Variants in BMP1 observed in about 807,000 individuals in gnomAD.
BMP1 encodes bone morphogenetic protein 1, also known as mammalian tolloid protein.
Under a neutral mutation model 116.8 loss-of-function variants are expected in BMP1, and 63 were observed. That is an observed-to-expected ratio of 0.54 (90% confidence interval 0.44 to 0.67). The LOEUF is 0.67. BMP1 is among the 30% of genes least tolerant of loss of function. The probability of loss-of-function intolerance (pLI) is 0.00; values close to 1 mark genes in which losing one functional copy is unlikely to be tolerated. For missense variants in BMP1, 1,183 were observed against 1,358.9 expected (o/e 0.87, Z 2.04); for synonymous variants, 536 against 533.4 (o/e 1.00, Z -0.07).
At chr8:22,195,318 C>T (rs1230310639) in intron 12 of BMP1, 144 bp from the exon 13 acceptor site, 1 of 999,086 alleles carries the variant, frequency 1.0e-6, no homozygotes, top group Non-Finnish European at 1.4e-6. Flanking sequence ...CAGCCCAGTC[C>T]ATGTGCTCTG....
intron 2 of BMP1, among the ~76,000 whole-genome samples, chr8:22,175,249 G>C (rs759008079): frequency 1.2e-4 from 19 of 152,164 alleles, no homozygotes; most frequent in African/African-American, 2.4e-5. Context: ...ACATGCCTTA[G>C]AGCTCCTATG....
intron 8 of BMP1, among the ~76,000 whole-genome samples, chr8:22,189,721 C>G (rs191001727): frequency 3.9e-5 from 6 of 152,122 alleles, no homozygotes; most frequent in Non-Finnish European, 7.4e-5. Context: ...CTTGCCTCAG[C>G]CTCTCAAAAT....
chr8:22,190,615 G>A (rs1262656744), intron 8 of BMP1, among the ~76,000 whole-genome samples: 2 of 152,184 alleles, frequency 1.3e-5, no homozygotes, highest in South Asian at 2.1e-4. Flanking sequence ...AGAACTGAGC[G>A]GCCAAGAAGT....
chr8:22,209,798 C>G (rs1829429279), intron 19 of BMP1, 103 bp downstream of exon 19: 1 of 1,355,766 alleles, frequency 7.4e-7, no homozygotes, highest in Admixed American at 2.0e-5. Context: ...CACACAGGCC[C>G]CGGAAGTTGA....
At chr8:22,203,704 C>T (rs1481576585) in intron 16 of BMP1, among the ~76,000 whole-genome samples, 2 of 152,184 alleles carry the variant, frequency 1.3e-5, no homozygotes, top group Non-Finnish European at 2.9e-5. Context: ...ATGAGCTGCT[C>T]ACAAGCAGAA....
At chr8:22,210,468 T>TCTCTCACA (rs10664439) in intron 19 of BMP1, among the ~76,000 whole-genome samples, 4 of 135,568 alleles carry the variant, frequency 3.0e-5, no homozygotes, top group African/African-American at 1.2e-4. Flanking sequence ...TCTCTCTCTC[T>TCTCTCACA]CACACACATA....
chr8:22,195,195 T>C (rs530196383), intron 12 of BMP1, among the ~76,000 whole-genome samples: 1 of 152,298 alleles, frequency 6.6e-6, no homozygotes, highest in South Asian at 2.1e-4. Context: ...GAACCTCAGT[T>C]TCTCATCTGT....
At position 22,206,867 on chromosome 8, in the gene BMP1, C is replaced by T. The variant is rs1829368779; in HGVS notation, c.2247C>T (p.His749=). ...GCTTCCCTGCAGCCGGCTGTGACCA[C>T]AAGGTGACATCCACCAGTGGTACCA... ...KHDCKEAGCD[H]KVTSTSGTIT... Residue 749 remains histidine, a synonymous_variant, in exon 17 of 20, where the codon CAC becomes CAT. Coordinates refer to ENST00000306385, the MANE Select transcript of BMP1 (RefSeq NM_006129.5). The T allele has an allele frequency of 6.2e-7, 1 of 1,614,218 alleles. No individual in the cohort carries two copies. The highest frequency in any genetic ancestry group is 8.5e-7 in the Non-Finnish European group (1 of 1,180,026).
At chr8:22,196,622 A>C (rs1024209378) in intron 13 of BMP1, 58 bp from the exon 14 acceptor site, 48 of 1,608,988 alleles carry the variant, frequency 3.0e-5, no homozygotes, top group Non-Finnish European at 4.0e-5. Flanking sequence ...CCCACATCTC[A>C]GCCCTTCCCC....
chr8:22,196,394 C>T (rs1454927365), intron 13 of BMP1: 2 of 593,160 alleles, frequency 3.4e-6, no homozygotes. Context: ...CTTATTCCCG[C>T]TCACTCCCTC....
chr8:22,175,897 G>A (rs77214004), intron 2 of BMP1, among the ~76,000 whole-genome samples: 442 of 152,292 alleles, frequency 2.9e-3, no homozygotes, highest in African/African-American at 9.7e-3. Flanking sequence ...AGCAGAAAGC[G>A]GAGCGTTGCC....
Position 22,195,448 on chromosome 8 carries a change from C to A in BMP1, c.1640-14C>A. ...ATGCCTGGAGTCTGTGACACCCTTT[C>A]CTTCCCACCACAGAGGTGGACGAGT... On this transcript the variant is annotated splice_polypyrimidine_tract_variant and intron_variant, in intron 12 of 19. Coordinates refer to ENST00000306385, the MANE Select transcript of BMP1 (RefSeq NM_006129.5). 1 of 1,593,484 alleles carries A rather than the reference C, an allele frequency of 6.3e-7. No homozygotes were observed.
chr8:22,169,934 T>C (rs1828228357), intron 1 of BMP1: 1 of 152,232 alleles, frequency 6.6e-6, no homozygotes, highest in African/African-American at 2.4e-5. Flanking sequence ...ACTACTACCC[T>C]GACCGTGACC....
At chr8:22,197,483 C>T in intron 15 of BMP1, 63 bp downstream of exon 15, 1 of 1,540,042 alleles carries the variant, frequency 6.5e-7, no homozygotes, top group Non-Finnish European at 8.9e-7. Context: ...TCCCTTTCTC[C>T]CTGCCCCTGC....
At chr8:22,206,789 C>T in intron 16 of BMP1, 65 bp from the exon 17 acceptor site, 1 of 1,602,196 alleles carries the variant, frequency 6.2e-7, no homozygotes, top group East Asian at 2.2e-5. Flanking sequence ...GAAGGGCCTT[C>T]CCCACAGGAG....
At chr8:22,184,367 G>A (rs931823821) in intron 8 of BMP1, among the ~76,000 whole-genome samples, 2 of 152,366 alleles carry the variant, frequency 1.3e-5, no homozygotes, top group South Asian at 4.1e-4. Flanking sequence ...CTGCCTTGGG[G>A]CTGCTCCCGC....
In BMP1 at chr8:22,194,959, G is replaced by T. The variant is rs370165941; in HGVS notation, c.1639+40G>T. On this transcript the variant is annotated intron_variant, in intron 12 of 19. Coordinates refer to ENST00000306385, the MANE Select transcript of BMP1 (RefSeq NM_006129.5). This position sits in a 1 kb window ranked among gnomAD's most constrained non-coding sequence, Gnocchi z 4.5. ...ACTCTCCCCTGCCCCAAGGTGCCTCGTGACCTTCATCCCTTCTTCACTCAC... is the reference window on the plus strand; with the variant it reads ...ACTCTCCCCTGCCCCAAGGTGCCTCTTGACCTTCATCCCTTCTTCACTCAC... 10 of 1,551,916 alleles carry T rather than the reference G, an allele frequency of 6.4e-6. No homozygotes were observed. The highest frequency in any genetic ancestry group is 7.9e-6 in the Non-Finnish European group (9 of 1,146,158).
At chr8:22,185,918 C>T (rs2131864917) in intron 8 of BMP1, among the ~76,000 whole-genome samples, 1 of 149,982 alleles carries the variant, frequency 6.7e-6, no homozygotes, top group Middle Eastern at 3.6e-3. Context: ...TCAATATAAC[C>T]TCCGCCTCCC....
Position 22,180,369 on chromosome 8 carries a change from C to T in BMP1, c.963C>T (p.Ala321=), listed in dbSNP as rs758573319. The change falls in exon 8 of 20, where the codon GCC becomes GCT. Residue 321 remains alanine, a splice_region_variant and synonymous_variant. Coordinates refer to ENST00000306385, the MANE Select transcript of BMP1 (RefSeq NM_006129.5). ...CCCTGTCATTTCCTTTCCTCACAGC[C>T]TGTGGAGAGACCCTGCAAGACAGCA... ...AQARKLYKCP[A]CGETLQDSTG... The T allele has an allele frequency of 4.3e-6, 7 of 1,612,318 alleles. No homozygotes were observed. In the East Asian group the frequency reaches 1.6e-4, roughly 36 times the overall value.
Sources: allele counts gnomAD v4.1 joint callset (sites outside exome capture counted in the v4.1 genomes callset), GRCh38; gene constraint gnomAD v4.1.1; non-coding constraint Gnocchi (gnomAD v3.1); transcripts MANE v1.5; gene names NCBI Gene and HGNC (gene_info 2026-07-23, HGNC 2026-07-21).